ACTR3B: variants seen among roughly 807,000 people sequenced by gnomAD.
The protein encoded by ACTR3B is actin-related protein 3B.
In ACTR3B, 8 loss-of-function variants were observed where a neutral mutation model predicts 59.0. That is an observed-to-expected ratio of 0.14 (90% CI 0.08 to 0.24). ACTR3B has a LOEUF of 0.24. ACTR3B is among the 10% of genes least tolerant of loss of function. The pLI is 1.00. For missense variants in ACTR3B, 245 were observed against 552.3 expected, an observed-to-expected ratio of 0.44 and a Z score of 5.58; for synonymous variants, 148 against 197.9, an observed-to-expected ratio of 0.75 and a Z score of 2.12.
At chr7:152,768,083 C>T (rs146837201) in intron 1 of ACTR3B, among the ~76,000 whole-genome samples, 2,756 of 98,694 alleles carry the variant, frequency 0.028, no homozygotes, top group East Asian at 0.036. Flanking sequence ...ATTAGCTGGG[C>T]GTGGTGGCAC....
chr7:152,851,998 G>T lies in ACTR3B; in HGVS notation c.952-128G>T, dbSNP rs560312383. ...AATAGCATTAAGTTTGCTTTTGTTCGCATCTTTCATAGGGCCGATGTGTCG... is the reference window on the plus strand; with the variant it reads ...AATAGCATTAAGTTTGCTTTTGTTCTCATCTTTCATAGGGCCGATGTGTCG... On this transcript the variant is annotated intron_variant, in intron 9 of 11. Transcript: ENST00000256001. 11 of 1,286,782 alleles carry T rather than the reference G, an allele frequency of 8.5e-6. No individual in the cohort carries two copies. The Admixed American group carries it at 1.6e-4, about 18-fold the overall frequency. 79.7% of individuals were successfully genotyped at this position (1,286,782 alleles called of 1,614,324 possible).
At chr7:152,763,563 A>G (rs1259681979) in intron 1 of ACTR3B, among the ~76,000 whole-genome samples, 1 of 151,772 alleles carries the variant, frequency 6.6e-6, no homozygotes, top group African/African-American at 2.4e-5. Context: ...AGCTGGGATT[A>G]CAGGCATGAG....
chr7:152,820,031 T>C (rs1215850472), intron 6 of ACTR3B, among the ~76,000 whole-genome samples: 2 of 152,272 alleles, frequency 1.3e-5, no homozygotes, highest in Admixed American at 1.3e-4. Context: ...GGTTTTTCTT[T>C]TCATATTCCT....
intron 9 of ACTR3B, among the ~76,000 whole-genome samples, chr7:152,835,154 C>A (rs1411651908): frequency 6.6e-6 from 1 of 152,116 alleles, no homozygotes; most frequent in African/African-American, 2.4e-5. Flanking sequence ...GTATAGGCGT[C>A]AGGGCCAAGC....
At chr7:152,808,238 A>G (rs1213583906) in intron 4 of ACTR3B, among the ~76,000 whole-genome samples, 1 of 152,006 alleles carries the variant, frequency 6.6e-6, no homozygotes, top group Admixed American at 6.6e-5. Flanking sequence ...ATTCCATTGT[A>G]CATAGATACC....
chr7:152,799,585 A>C (rs1016064947), intron 2 of ACTR3B, among the ~76,000 whole-genome samples: 2 of 152,248 alleles, frequency 1.3e-5, no homozygotes, highest in African/African-American at 4.8e-5. Context: ...ATCTGATGTC[A>C]AGGAATCTAT....
At chr7:152,766,499 C>T (rs2098111035) in intron 1 of ACTR3B, among the ~76,000 whole-genome samples, 2 of 152,152 alleles carry the variant, frequency 1.3e-5, no homozygotes, top group South Asian at 4.1e-4. Context: ...AACGCCTGAA[C>T]TCCAAGATCC....
intron 5 of ACTR3B, 116 bp downstream of exon 5, chr7:152,814,761 A>G (rs1795551504): frequency 9.9e-6 from 8 of 808,608 alleles, no homozygotes; most frequent in Non-Finnish European, 1.5e-5. Context: ...TCCTTTTTCC[A>G]CTCCCTCCCC....
Position 152,814,619 on chromosome 7 carries a change from G to A in ACTR3B, c.406G>A (p.Val136Ile), listed in dbSNP as rs777551709. Reference protein sequence around the residue: ...LAEIMFESFNVPGLYIAVQAV... With the variant: ...LAEIMFESFNIPGLYIAVQAV... ...AGAAATTATGTTTGAATCATTTAACGTACCAGGACTCTACATTGCAGTTCA... is the reference window on the plus strand; with the variant it reads ...AGAAATTATGTTTGAATCATTTAACATACCAGGACTCTACATTGCAGTTCA... The change falls in exon 5 of 12, where the codon GTA becomes ATA. Residue 136 changes from valine to isoleucine, a missense_variant. This residue lies in a region of ACTR3B where 40 missense variants were observed against 70.4 expected (regional missense o/e 0.57). Transcript: ENST00000256001. The A allele has an allele frequency of 6.2e-6, 10 of 1,613,660 alleles. No individual in the cohort carries two copies. Among genetic ancestry groups the A allele is most frequent in the Non-Finnish European group, 6.8e-6 (8 of 1,179,684 alleles).
intron 9 of ACTR3B, among the ~76,000 whole-genome samples, chr7:152,826,324 G>T (rs1220080203): frequency 1.3e-5 from 2 of 151,770 alleles, no homozygotes; most frequent in Non-Finnish European, 2.9e-5. Context: ...AACTCTTAAA[G>T]TAAATAAAAT....
intron 1 of ACTR3B, 35 bp downstream of exon 1, chr7:152,759,961 G>GCGGCCCCGCTCC: frequency 7.5e-7 from 1 of 1,333,116 alleles, no homozygotes; most frequent in Non-Finnish European, 9.7e-7. Flanking sequence ...CCGCTCCTCC[G>GCGGCCCCGCTCC]CGGCCCCGCT....
intron 4 of ACTR3B, among the ~76,000 whole-genome samples, chr7:152,805,903 A>G (rs2098250845): frequency 6.6e-6 from 1 of 152,162 alleles, no homozygotes; most frequent in Non-Finnish European, 1.5e-5. Flanking sequence ...TATTAGATAC[A>G]TGTGTTCAAT....
intron 9 of ACTR3B, among the ~76,000 whole-genome samples, chr7:152,847,954 A>G (rs766409964): frequency 5.9e-5 from 9 of 152,200 alleles, no homozygotes; most frequent in Non-Finnish European, 1.2e-4. Flanking sequence ...GAGGGTGAAC[A>G]GTCTTGTGAG....
intron 2 of ACTR3B, among the ~76,000 whole-genome samples, chr7:152,796,599 C>G (rs2098217274): frequency 7.2e-6 from 1 of 139,386 alleles, no homozygotes; most frequent in Non-Finnish European, 1.6e-5. Flanking sequence ...AGTAAGTGCT[C>G]AAACCTAGGT....
At chr7:152,809,251 AACTT>A (rs1424991247) in intron 4 of ACTR3B, among the ~76,000 whole-genome samples, 1 of 150,578 alleles carries the variant, frequency 6.6e-6, no homozygotes, top group Non-Finnish European at 1.5e-5. Flanking sequence ...CAGTGACTAA[AACTT>A]ACTTGGGGCA....
intron 9 of ACTR3B, among the ~76,000 whole-genome samples, chr7:152,827,624 C>T (rs1160513349): frequency 2.0e-5 from 3 of 151,120 alleles, no homozygotes; most frequent in Admixed American, 2.0e-4. Context: ...CCTTCTGGAA[C>T]ACATCGCCTC....
chr7:152,779,962 A>G (rs904348355), intron 1 of ACTR3B, among the ~76,000 whole-genome samples: 29 of 152,352 alleles, frequency 1.9e-4, no homozygotes, highest in African/African-American at 7.0e-4. Flanking sequence ...TTATATTAGA[A>G]TAAAGTGATC....
intron 1 of ACTR3B, among the ~76,000 whole-genome samples, chr7:152,763,912 G>A (rs546332575): frequency 6.6e-5 from 10 of 152,222 alleles, no homozygotes; most frequent in Middle Eastern, 6.8e-3. Flanking sequence ...CCATTATGCC[G>A]TCCTCATTGT....
intron 4 of ACTR3B, among the ~76,000 whole-genome samples, chr7:152,804,934 A>G (rs2098247889): frequency 6.6e-6 from 1 of 152,106 alleles, no homozygotes; most frequent in Non-Finnish European, 1.5e-5. Flanking sequence ...GAGCCCGGGC[A>G]GACATTGTAT....
Sources: allele counts gnomAD v4.1 joint callset (sites outside exome capture counted in the v4.1 genomes callset), GRCh38; gene constraint gnomAD v4.1.1; regional missense constraint gnomAD v4.1.1; transcripts MANE v1.5; gene names NCBI Gene and HGNC (gene_info 2026-07-23, HGNC 2026-07-21).